The following RCBTB2 variants were observed in gnomAD, a reference collection of about 807,000 sequenced individuals.
RCBTB2 encodes RCC1 and BTB domain containing protein 2.
Under a neutral mutation model 65.4 loss-of-function variants are expected in RCBTB2, and 55 were observed. The observed-to-expected ratio is 0.84, with a 90% CI of 0.68 to 1.05. RCBTB2 has a LOEUF of 1.05. RCBTB2 is among the 50% of genes least tolerant of loss of function. RCBTB2 has a pLI of 0.00. For synonymous variants in RCBTB2, 220 were observed against 255.2 expected, an observed-to-expected ratio of 0.86 and a Z score of 1.31; for missense variants, 599 against 680.1, an observed-to-expected ratio of 0.88 and a Z score of 1.33.
intron 4 of RCBTB2, among the ~76,000 whole-genome samples, chr13:48,521,345 A>C (rs1249636046): frequency 6.6e-6 from 1 of 152,236 alleles, no homozygotes; most frequent in African/African-American, 2.4e-5. Context: ...TTAAGCTGTT[A>C]ATAGCAATAA....
chr13:48,493,275 CCCTCTCT>C (rs1949789612), intron 14 of RCBTB2, among the ~76,000 whole-genome samples: 3 of 119,276 alleles, frequency 2.5e-5, no homozygotes, highest in African/African-American at 1.7e-4. Context: ...CTCTCTCTCA[CCCTCTCT>C]CTCTCTCCAC....
Position 48,522,499 on chromosome 13 carries a change from A to G in RCBTB2, c.-119-96T>C, listed in dbSNP as rs1951485565. The G allele has an allele frequency of 1.2e-5, 8 of 663,548 alleles. No individual in the cohort carries two copies. The South Asian group carries it at 1.4e-4, about 12-fold the overall frequency. 41.1% of individuals were successfully genotyped at this position (663,548 alleles called of 1,614,324 possible). On this transcript the variant is annotated intron_variant, in intron 2 of 14. Transcript: ENST00000344532. ...CTGGACTTAATGAAAAATCTGAAAC[A>G]ACAGCCATCAAATATGTAGCAATGC...
chr13:48,515,474 A>G, intron 5 of RCBTB2, 112 bp downstream of exon 5: 1 of 1,369,024 alleles, frequency 7.3e-7, no homozygotes, highest in Admixed American at 2.4e-5. Context: ...AATAAAACCT[A>G]ATTTCCATGC....
Position 48,512,872 on chromosome 13 carries a change from G to A in RCBTB2, c.373C>T (p.His125Tyr). Reference sequence around the variant, plus strand: ...TTGCCCAGCTGGCTATAAGCATTATGACCCCAGGTAAAGACTTCTCCTTCT... The same window carrying A: ...TTGCCCAGCTGGCTATAAGCATTATAACCCCAGGTAAAGACTTCTCCTTCT... ...TTEGEVFTWGHNAYSQLGNGT... is the reference protein window; with the variant it reads ...TTEGEVFTWGYNAYSQLGNGT... The change falls in exon 7 of 15, where the codon CAT (histidine) becomes TAT (tyrosine). Residue 125 changes from histidine to tyrosine, a missense_variant. Coordinates refer to ENST00000344532, the MANE Select transcript of RCBTB2 (RefSeq NM_001268.4). 2 of 1,612,574 alleles carry A rather than the reference G, an allele frequency of 1.2e-6. No homozygotes were observed. The highest frequency in any genetic ancestry group is 1.7e-6 in the Non-Finnish European group (2 of 1,179,036).
chr13:48,527,369 G>GATATATATATC (rs1951849907), intron 1 of RCBTB2, among the ~76,000 whole-genome samples: 1 of 99,856 alleles, frequency 1.0e-5, no homozygotes, highest in Admixed American at 9.7e-5. Flanking sequence ...ATTTATATAT[G>GATATATATATC]ATATATATAT....
chr13:48,524,005 T>C (rs1208948714), intron 2 of RCBTB2, among the ~76,000 whole-genome samples: 1 of 152,172 alleles, frequency 6.6e-6, no homozygotes, highest in Non-Finnish European at 1.5e-5. Flanking sequence ...TTCATATTTG[T>C]CAATCAGAAA....
chr13:48,511,931 G>A, intron 8 of RCBTB2, 54 bp from the exon 9 acceptor site: 1 of 1,609,706 alleles, frequency 6.2e-7, no homozygotes, highest in Non-Finnish European at 8.5e-7. Context: ...CCAGCAAGCT[G>A]TCTGTTATGT....
At chr13:48,527,337 G>GATATATATATATATCATAT (rs1174299074) in intron 1 of RCBTB2, among the ~76,000 whole-genome samples, 8 of 112,164 alleles carry the variant, frequency 7.1e-5, no homozygotes, top group African/African-American at 4.5e-4. Flanking sequence ...ATATATATAT[G>GATATATATATATATCATAT]ATATATATAT....
In RCBTB2 at chr13:48,496,238, C is replaced by T. The variant is rs747251462; in HGVS notation, c.1468G>A (p.Glu490Lys). ...QQTIKQGICE[E>K]NAIALLSAAV... ...GCCGAGAGCAGAGCGATGGCATTCT[C>T]CTCGCAGATGCCTTGCTTGATAGTT... Residue 490 changes from glutamate to lysine, a missense_variant, in exon 14 of 15, where the codon GAG becomes AAG. By Grantham distance (56) the Glu-to-Lys change is moderately conservative. Coordinates refer to ENST00000344532, the MANE Select transcript of RCBTB2 (RefSeq NM_001268.4). 5.7e-6 allele frequency: 9 copies of T among 1,591,278 alleles called. No individual in the cohort carries two copies. Among genetic ancestry groups the T allele is most frequent in the Non-Finnish European group, 6.8e-6 (8 of 1,168,468 alleles).
intron 14 of RCBTB2, among the ~76,000 whole-genome samples, chr13:48,491,306 T>G (rs1481531328): frequency 1.3e-5 from 2 of 150,658 alleles, no homozygotes; most frequent in Admixed American, 1.3e-4. Context: ...TACATTTTCT[T>G]TTAAGAAAAG....
upstream of RCBTB2, among the ~76,000 whole-genome samples, chr13:48,534,903 A>G (rs1268154760): frequency 6.6e-6 from 1 of 152,276 alleles, no homozygotes; most frequent in Non-Finnish European, 1.5e-5. Flanking sequence ...AAGTTTACCT[A>G]CATCTGTACC....
rs536759226 is a variant in RCBTB2 at position 48,513,099 on chromosome 13, T to A, written c.350-204A>T. 2.2e-4 allele frequency among the ~76,000 whole-genome samples: 34 copies of A among 152,278 alleles called. No homozygotes were observed. In the South Asian group the frequency reaches 7.0e-3, roughly 32 times the overall value. On this transcript the variant is annotated intron_variant, in intron 6 of 14. Transcript: ENST00000344532. The stretch of plus-strand genomic sequence containing the variant: ...TCTACCTCAAAGCAACAAGGTGAAA[T>A]TTAAATGCATGCAGTTATAATAACT...
intron 1 of RCBTB2, among the ~76,000 whole-genome samples, chr13:48,526,216 A>G (rs575866963): frequency 6.6e-5 from 10 of 152,344 alleles, no homozygotes; most frequent in African/African-American, 1.4e-4. Flanking sequence ...CTCATAAACT[A>G]TAATTTCTTT....
chr13:48,503,542 C>T (rs1950345643), intron 10 of RCBTB2, among the ~76,000 whole-genome samples: 1 of 139,888 alleles, frequency 7.1e-6, no homozygotes, highest in South Asian at 2.3e-4. Context: ...ATTCTCAGAA[C>T]AATTTTTTTT....
Position 48,499,690 on chromosome 13 carries a change from G to C in RCBTB2, c.1315C>G (p.Pro439Ala), listed in dbSNP as rs1265675904. ...TATTCCAGGAAGGCCCGGTAAACAGGATATGAAAATTCACTCATTTCTACA... is the reference window on the plus strand; with the variant it reads ...TATTCCAGGAAGGCCCGGTAAACAGCATATGAAAATTCACTCATTTCTACA... The part of the protein sequence containing the change: ...DIVEMSEFSY[P>A]VYRAFLEYLY... Residue 439 changes from proline to alanine, a missense_variant, in exon 13 of 15, where the codon CCT becomes GCT. By Grantham distance (27) the Pro-to-Ala change is conservative. Coordinates refer to ENST00000344532, the MANE Select transcript of RCBTB2 (RefSeq NM_001268.4). 1.2e-6 allele frequency: 2 copies of C among 1,614,118 alleles called. No individual in the cohort carries two copies. The highest frequency in any genetic ancestry group is 1.7e-6 in the Non-Finnish European group (2 of 1,179,974).
At chr13:48,535,812 T>C (rs1032176710), upstream of RCBTB2, 4 of 455,104 alleles carry the variant, frequency 8.8e-6, no homozygotes, top group Non-Finnish European at 1.8e-5. Context: ...CATTGGCTCA[T>C]CCACCACTTC....
intron 13 of RCBTB2, 75 bp downstream of exon 13, chr13:48,499,546 C>A (rs559257368): frequency 6.8e-7 from 1 of 1,473,898 alleles, no homozygotes; most frequent in African/African-American, 1.4e-5. Context: ...CAGTGACTTT[C>A]TTTTAGGTTC....
Position 48,527,361 on chromosome 13 carries a change from T to TTATATGATATA in RCBTB2, c.-218-2605_-218-2604insTATATCATATA, listed in dbSNP as rs1555310696. On this transcript the variant is annotated intron_variant, in intron 1 of 14. Transcript: ENST00000344532. ...TGATATATATATATATGATATATAT[T>TTATATGATATA]TATATATGATATATATATATGATAT... Among the ~76,000 whole-genome samples, 2 of 112,446 alleles carry TTATATGATATA rather than the reference T, an allele frequency of 1.8e-5. 1 individual carries two copies. The highest frequency in any genetic ancestry group is 1.1e-4 in the African/African-American group (2 of 18,068). The allele number at this position is 112,446 out of a possible 152,430, so 73.8% of individuals were successfully genotyped here. A position where few individuals can be genotyped will look rare whatever the true frequency, so the allele number is the denominator to read the frequency against.
chr13:48,495,764 A>G (rs1949939588), intron 14 of RCBTB2, among the ~76,000 whole-genome samples: 9 of 152,142 alleles, frequency 5.9e-5, no homozygotes, highest in Admixed American at 5.9e-4. Flanking sequence ...GAAAAGTTAT[A>G]CCTTGTTTTC....
Sources: allele counts gnomAD v4.1 joint callset (sites outside exome capture counted in the v4.1 genomes callset), GRCh38; gene constraint gnomAD v4.1.1; transcripts MANE v1.5; gene names NCBI Gene and HGNC (gene_info 2026-07-23, HGNC 2026-07-21).